The following RGS6 variants were observed in gnomAD, a reference collection of about 807,000 sequenced individuals.
RGS6 encodes regulator of G protein signaling 6.
RGS6 carries 30 observed loss-of-function variants against 78.5 expected under a neutral mutation model. The observed-to-expected ratio is 0.38, with a 90% CI of 0.29 to 0.52. The LOEUF (loss-of-function observed/expected upper bound fraction) is 0.52. Among genes scored for constraint, RGS6 ranks in the 20% least tolerant of loss-of-function variants. The probability of loss-of-function intolerance (pLI) is 0.85; values close to 1 mark genes in which losing one functional copy is unlikely to be tolerated. For missense variants in RGS6, 495 were observed against 609.7 expected (o/e 0.81, Z 1.98); for synonymous variants, 206 against 206.0 (o/e 1.00, Z 0.00).
chr14:72,139,927 T>C (rs964169200), intron 2 of RGS6, among the ~76,000 whole-genome samples: 4 of 152,204 alleles, frequency 2.6e-5, no homozygotes, highest in Admixed American at 2.6e-4. Context: ...CAGGCTTTCT[T>C]TTTCCCACTT....
intron 3 of RGS6, among the ~76,000 whole-genome samples, chr14:72,418,802 G>C (rs2093995488): frequency 6.6e-6 from 1 of 152,248 alleles, no homozygotes; most frequent in African/African-American, 2.4e-5. Context: ...CATGTCACAA[G>C]TGGTCAGATG....
At chr14:71,969,953 T>C (rs1414705767) in intron 2 of RGS6, among the ~76,000 whole-genome samples, 1 of 152,206 alleles carries the variant, frequency 6.6e-6, no homozygotes, top group African/African-American at 2.4e-5. Flanking sequence ...AGAAATATTT[T>C]AGATAGTTGT....
intron 15 of RGS6, among the ~76,000 whole-genome samples, chr14:72,530,232 G>A (rs1054463107): frequency 2.0e-5 from 3 of 152,210 alleles, no homozygotes; most frequent in African/African-American, 7.2e-5. Context: ...GGGAACTGTT[G>A]CTTTGGAGAA....
intron 12 of RGS6, among the ~76,000 whole-genome samples, chr14:72,481,805 C>CTTTTTT (rs34462310): frequency 8.3e-6 from 1 of 120,074 alleles, no homozygotes; most frequent in Non-Finnish European, 1.6e-5. Context: ...TTTATTTTAA[C>CTTTTTT]TTTTTTTTTT....
the RGS6 span, among the ~76,000 whole-genome samples, chr14:71,885,932 C>T: frequency 2.0e-5 from 3 of 151,026 alleles, no homozygotes; most frequent in South Asian, 2.1e-4. Context: ...CCCTCCCTCC[C>T]ACTCTCCTTC....
At chr14:72,267,510 T>C (rs1294394918) in intron 2 of RGS6, among the ~76,000 whole-genome samples, 1 of 152,186 alleles carries the variant, frequency 6.6e-6, no homozygotes, top group Non-Finnish European at 1.5e-5. Flanking sequence ...ACAAGTAACT[T>C]TTTTGCTGTT....
intron 2 of RGS6, among the ~76,000 whole-genome samples, chr14:72,308,306 T>A (rs1344597669): frequency 6.6e-6 from 1 of 152,198 alleles, no homozygotes; most frequent in Non-Finnish European, 1.5e-5. Flanking sequence ...GGCACCAGGA[T>A]GTAGCAAATA....
the RGS6 span, among the ~76,000 whole-genome samples, chr14:72,573,129 G>A: frequency 1.3e-5 from 2 of 152,154 alleles, no homozygotes; most frequent in Non-Finnish European, 2.9e-5. Flanking sequence ...GGTCCATTTC[G>A]GCTGTCTCTG....
the RGS6 span, among the ~76,000 whole-genome samples, chr14:72,624,820 C>A: frequency 6.6e-6 from 1 of 152,216 alleles, no homozygotes; most frequent in Non-Finnish European, 1.5e-5. Flanking sequence ...TCAGTTGGAT[C>A]TTTTCTCATG....
At position 72,542,635 on chromosome 14, in the gene RGS6, A is replaced by G. The variant is rs146194888; in HGVS notation, c.1422+2541A>G. Among the ~76,000 whole-genome samples, 21 of 152,344 alleles carry G rather than the reference A, an allele frequency of 1.4e-4. 1 individual carries two copies. In the East Asian group the frequency reaches 3.3e-3, roughly 24 times the overall value. On this transcript the variant is annotated intron_variant, in intron 17 of 17. Coordinates refer to ENST00000553525, the MANE Select transcript of RGS6 (RefSeq NM_001204424.2). Reference sequence around the variant, plus strand: ...CTCACGGACCAAAGACGTGAGGCCAATTACCATTTAGGATTAATTGATGGC... The same window carrying G: ...CTCACGGACCAAAGACGTGAGGCCAGTTACCATTTAGGATTAATTGATGGC...
chr14:72,431,743 A>G (rs2153166231), intron 3 of RGS6, among the ~76,000 whole-genome samples: 1 of 152,202 alleles, frequency 6.6e-6, no homozygotes, highest in East Asian at 1.9e-4. Context: ...CCCTGCACCC[A>G]TCACCAGGCC....
At chr14:72,362,570 C>T (rs1206082673) in intron 3 of RGS6, among the ~76,000 whole-genome samples, 1 of 152,178 alleles carries the variant, frequency 6.6e-6, no homozygotes, top group Non-Finnish European at 1.5e-5. Flanking sequence ...ACTGGGGTCT[C>T]AGTTCTTCTC....
chr14:72,045,388 A>G (rs1159515468), intron 2 of RGS6, among the ~76,000 whole-genome samples: 1 of 152,172 alleles, frequency 6.6e-6, no homozygotes, highest in Non-Finnish European at 1.5e-5. Context: ...GACTAGATTA[A>G]TCACAGACTA....
chr14:72,504,534 G>T (rs944432783), intron 13 of RGS6, among the ~76,000 whole-genome samples: 1 of 152,168 alleles, frequency 6.6e-6, no homozygotes, highest in Non-Finnish European at 1.5e-5. Flanking sequence ...TCTCATTTAT[G>T]TCTAAAACTC....
At chr14:71,935,491 T>A (rs1339002704) in intron 1 of RGS6, among the ~76,000 whole-genome samples, 1 of 152,262 alleles carries the variant, frequency 6.6e-6, no homozygotes, top group Non-Finnish European at 1.5e-5. Flanking sequence ...ACTGCTTGTT[T>A]ACAGAATGAT....
intron 2 of RGS6, among the ~76,000 whole-genome samples, chr14:72,164,250 C>T (rs1009591598): frequency 2.0e-5 from 3 of 152,152 alleles, no homozygotes; most frequent in Non-Finnish European, 4.4e-5. Context: ...GGCATCTCTG[C>T]CTTCCAGGGA....
chr14:72,468,887 T>C (rs1478663421), intron 7 of RGS6, among the ~76,000 whole-genome samples: 1 of 152,190 alleles, frequency 6.6e-6, no homozygotes, highest in Non-Finnish European at 1.5e-5. Context: ...TGTGAGCTCA[T>C]GTGTGGTACT....
chr14:71,953,968 C>A (rs376231205), intron 1 of RGS6, among the ~76,000 whole-genome samples: 1 of 7,014 alleles, frequency 1.4e-4, no homozygotes, highest in Non-Finnish European at 2.6e-4. Context: ...TCTAAGTGGG[C>A]GTTTTTTTTT....
intron 2 of RGS6, among the ~76,000 whole-genome samples, chr14:72,195,519 A>G (rs1195189280): frequency 6.6e-6 from 1 of 152,214 alleles, no homozygotes; most frequent in East Asian, 1.9e-4. Context: ...TCCTCAGAGT[A>G]GAGAGAAGAA....
Sources: gnomAD v4.1 joint callset for allele counts (sites outside exome capture counted in the v4.1 genomes callset) on GRCh38, gnomAD v4.1.1 for gene constraint, MANE v1.5 for transcripts, NCBI Gene and HGNC (gene_info 2026-07-23, HGNC 2026-07-21) for gene names.